The following MAP1LC3C variants were observed in gnomAD, a reference collection of about 807,000 sequenced individuals.
The protein encoded by MAP1LC3C is microtubule-associated protein 1 light chain 3 gamma.
MAP1LC3C carries 12 observed loss-of-function variants against 10.4 expected under a neutral mutation model. The ratio of observed to expected loss-of-function variants is 1.15; its 90% confidence interval spans 0.74 to 1.86. The LOEUF is 1.86. MAP1LC3C is among the 40% of genes most tolerant of loss of function. The pLI is 0.00. For missense variants in MAP1LC3C, 177 were observed against 185.7 expected (o/e 0.95, Z 0.27); for synonymous variants, 70 against 69.0 (o/e 1.01, Z -0.07).
chr1:241,999,220 A>C, upstream of MAP1LC3C: 1 of 923,244 alleles, frequency 1.1e-6, no homozygotes, highest in Non-Finnish European at 1.5e-6. Context: ...TGGAAATGGA[A>C]TCGCCACCTG....
chr1:242,001,356 G>A (rs900845606), upstream of MAP1LC3C, among the ~76,000 whole-genome samples: 4 of 152,090 alleles, frequency 2.6e-5, no homozygotes, highest in African/African-American at 9.7e-5. Flanking sequence ...GCTCACACCT[G>A]TAATCCCAGT....
At chr1:241,998,455 C>G in intron 3 of MAP1LC3C, 59 bp downstream of exon 3, 1 of 1,460,424 alleles carries the variant, frequency 6.8e-7, no homozygotes, top group East Asian at 2.3e-5. Flanking sequence ...ACGAAGAAAG[C>G]CCAACAGCCC....
In MAP1LC3C at chr1:241,996,173, T is replaced by C. The variant is rs1665079871; in HGVS notation, c.434A>G (p.Asn145Ser). Residue 145 changes from asparagine to serine, a missense_variant, in exon 4 of 4, where the codon AAT becomes AGT. Transcript: ENST00000357246. ...DGSSLEDRPC[N>S]PL ...CCTTCCCGACATGGGCTAGAGAGGA[T>C]TGCAGGGTCTGTCCTCAAGGCTGCT... is the stretch of plus-strand genomic sequence containing the variant. 2 of 1,613,632 alleles carry C rather than the reference T, an allele frequency of 1.2e-6. No homozygotes were observed. Among genetic ancestry groups the C allele is most frequent in the African/African-American group, 1.3e-5 (1 of 74,914 alleles).
At chr1:241,996,511 T>C in intron 3 of MAP1LC3C, 126 bp from the exon 4 acceptor site, 2 of 761,842 alleles carry the variant, frequency 2.6e-6, no homozygotes, top group Non-Finnish European at 4.2e-6. Context: ...ACTACAAGGC[T>C]TCCCATTTGG....
At chr1:241,999,139 T>G, upstream of MAP1LC3C, 2 of 1,443,536 alleles carry the variant, frequency 1.4e-6, no homozygotes, top group South Asian at 1.5e-5. Context: ...TAGGGCTGAG[T>G]GACATCAGGC....
At position 241,997,088 on chromosome 1, in the gene MAP1LC3C, G is replaced by A. The variant is rs534053636; in HGVS notation, c.222-703C>T. On this transcript the variant is annotated intron_variant, in intron 3 of 3. Coordinates refer to ENST00000357246, the MANE Select transcript of MAP1LC3C (RefSeq NM_001004343.3). ...TAATTTTTGTATTTTTAGTAGAGAC[G>A]GGGTTTTGCCATGTTGGCCAGGCTG... Among the ~76,000 whole-genome samples the A allele has an allele frequency of 1.8e-3, 266 of 151,502 alleles. 1 individual carries two copies. The highest frequency in any genetic ancestry group is 6.1e-3 in the African/African-American group (251 of 41,326).
chr1:241,998,850 CAAGAG>C lies in MAP1LC3C; in HGVS notation c.59-24_59-20del. On this transcript the variant is annotated intron_variant, in intron 1 of 3. Coordinates refer to ENST00000357246, the MANE Select transcript of MAP1LC3C (RefSeq NM_001004343.3). ...CTGATTGCTGTGAATATTTCAAGCACAAGAGAAGAAGCAAAGATCAAGAAAAGAAG... is the reference window on the plus strand; with the variant it reads ...CTGATTGCTGTGAATATTTCAAGCACAAGAAGCAAAGATCAAGAAAAGAAG... The C allele has an allele frequency of 6.2e-7, 1 of 1,614,006 alleles. No individual in the cohort carries two copies. The highest frequency in any genetic ancestry group is 8.5e-7 in the Non-Finnish European group (1 of 1,180,028).
At position 241,996,374 on chromosome 1, in the gene MAP1LC3C, A is replaced by T. The variant is rs1441686810; in HGVS notation, c.233T>A (p.Val78Asp). The change falls in exon 4 of 4, where the codon GTC (valine) becomes GAC (aspartate). Residue 78 changes from valine (V) to aspartate (D), a missense_variant. Transcript: ENST00000357246. ...QFLSIIRSRM[V>D]LRATEAFYLL... is the part of the protein sequence containing the mutation. Reference sequence around the variant, plus strand: ...GTAAAAGGCTTCCGTGGCTCTCAGGACCATGCGGCTCCTGGGATGGGCAGG... The same window carrying T: ...GTAAAAGGCTTCCGTGGCTCTCAGGTCCATGCGGCTCCTGGGATGGGCAGG... The T allele has an allele frequency of 1.9e-6, 3 of 1,613,972 alleles. No individual in the cohort carries two copies. Among genetic ancestry groups the T allele is most frequent in the Non-Finnish European group, 2.5e-6 (3 of 1,179,958 alleles).
At position 241,997,460 on chromosome 1, in the gene MAP1LC3C, C is replaced by T. The variant is rs28461685; in HGVS notation, c.221+1054G>A. 2.0e-5 allele frequency among the ~76,000 whole-genome samples: 3 copies of T among 152,196 alleles called. No homozygotes were observed. In the East Asian group the frequency reaches 5.8e-4, roughly 29 times the overall value. ...GCCTGAGCCCAGAAGGCCAAGGCTGCAGTGAACTAGGTTCACACCACTGCA... is the reference window on the plus strand; with the variant it reads ...GCCTGAGCCCAGAAGGCCAAGGCTGTAGTGAACTAGGTTCACACCACTGCA... On this transcript the variant is annotated intron_variant, in intron 3 of 3. Transcript: ENST00000357246.
intron 3 of MAP1LC3C, 95 bp downstream of exon 3, chr1:241,998,419 C>G: frequency 1.0e-6 from 1 of 986,962 alleles, no homozygotes; most frequent in Non-Finnish European, 1.6e-6. Flanking sequence ...CCTGACGTGC[C>G]CCCATCCCCA....
In MAP1LC3C at chr1:241,998,835, T is replaced by A. The variant is rs1396448948; in HGVS notation, c.59-4A>T. On this transcript the variant is annotated splice_region_variant and splice_polypyrimidine_tract_variant and intron_variant, in intron 1 of 3. Coordinates refer to ENST00000357246, the MANE Select transcript of MAP1LC3C (RefSeq NM_001004343.3). ...GCAACTTCCTCTTGTCTGATTGCTG[T>A]GAATATTTCAAGCACAAGAGAAGAA... The A allele has an allele frequency of 1.2e-6, 2 of 1,614,002 alleles. No homozygotes were observed. Among genetic ancestry groups the A allele is most frequent in the Non-Finnish European group, 1.7e-6 (2 of 1,180,018 alleles).
intron 3 of MAP1LC3C, 40 bp from the exon 4 acceptor site, chr1:241,996,425 G>A: frequency 6.5e-7 from 1 of 1,535,472 alleles, no homozygotes; most frequent in South Asian, 1.1e-5. Flanking sequence ...TGGCCTGCGA[G>A]ACAGCCCAGG....
At position 241,999,065 on chromosome 1, in the gene MAP1LC3C, G is replaced by A. The variant is rs890288988; in HGVS notation, c.-57C>T. 2.4e-5 allele frequency: 37 copies of A among 1,552,454 alleles called. No homozygotes were observed. Among genetic ancestry groups the A allele is most frequent in the Non-Finnish European group, 3.1e-5 (36 of 1,160,866 alleles). The stretch of plus-strand genomic sequence containing the variant: ...GAAAAAAAAACTGTCCCGCAACCGG[G>A]AACCTAACTCATTCCTCCAGCTGCT... On this transcript the variant is annotated 5_prime_UTR_variant, in exon 1 of 4. Coordinates refer to ENST00000357246, the MANE Select transcript of MAP1LC3C (RefSeq NM_001004343.3).
At chr1:241,998,433 T>G in intron 3 of MAP1LC3C, 81 bp downstream of exon 3, 1 of 1,264,422 alleles carries the variant, frequency 7.9e-7, no homozygotes, top group Admixed American at 1.9e-5. Flanking sequence ...ATCCCCAAAA[T>G]AAAACTGCCA....
At chr1:242,001,047 G>A (rs1375625704), upstream of MAP1LC3C, among the ~76,000 whole-genome samples, 1 of 151,936 alleles carries the variant, frequency 6.6e-6, no homozygotes, top group Non-Finnish European at 1.5e-5. Flanking sequence ...AGACCAAGGT[G>A]GGCGGATCAC....
intron 3 of MAP1LC3C, among the ~76,000 whole-genome samples, chr1:241,997,467 C>T (rs1020707204): frequency 7.2e-5 from 11 of 152,102 alleles, no homozygotes; most frequent in Non-Finnish European, 1.6e-4. Context: ...CTGCAGTGAA[C>T]TAGGTTCACA....
intron 3 of MAP1LC3C, among the ~76,000 whole-genome samples, chr1:241,997,773 C>T (rs1203679539): frequency 6.6e-6 from 1 of 152,044 alleles, no homozygotes; most frequent in East Asian, 1.9e-4. Flanking sequence ...TCTCAGTGTT[C>T]TGAGCAGGGA....
chr1:241,996,178 G>C lies in MAP1LC3C; in HGVS notation c.429C>G (p.Pro143=), dbSNP rs764859658. Residue 143 remains proline (P), a synonymous_variant, in exon 4 of 4, where the codon CCC becomes CCG. Transcript: ENST00000357246. ...CCGACATGGGCTAGAGAGGATTGCAGGGTCTGTCCTCAAGGCTGCTCCCAT... is the reference window on the plus strand; with the variant it reads ...CCGACATGGGCTAGAGAGGATTGCACGGTCTGTCCTCAAGGCTGCTCCCAT... ...PRDGSSLEDR[P]CNPL The C allele has an allele frequency of 6.2e-7, 1 of 1,613,842 alleles. No homozygotes were observed. The highest frequency in any genetic ancestry group is 2.2e-5 in the East Asian group (1 of 44,868).
At chr1:241,999,779 A>T (rs140830671), upstream of MAP1LC3C, among the ~76,000 whole-genome samples, 2,661 of 152,276 alleles carry the variant, frequency 0.017, 75 homozygotes, top group African/African-American at 0.061. Context: ...ATTGCACTCC[A>T]GCCTCGGCAA....
Sources: allele counts gnomAD v4.1 joint callset (sites outside exome capture counted in the v4.1 genomes callset), GRCh38; gene constraint gnomAD v4.1.1; transcripts MANE v1.5; gene names NCBI Gene and HGNC (gene_info 2026-07-23, HGNC 2026-07-21).